APBA2: variants seen among roughly 807,000 people sequenced by gnomAD.
APBA2 encodes the protein amyloid beta precursor protein binding family A member 2, also known as amyloid-beta A4 precursor protein-binding family A member 2.
In APBA2, 30 loss-of-function variants were observed where a neutral mutation model predicts 75.0. That is an observed-to-expected ratio of 0.40 (90% CI 0.30 to 0.54). The LOEUF (loss-of-function observed/expected upper bound fraction) is 0.54. Ranked by LOEUF, APBA2 falls within the 20% of genes least tolerant of loss-of-function variation. APBA2 has a pLI of 0.49. For missense variants in APBA2, 801 were observed against 1,016.1 expected, an observed-to-expected ratio of 0.79 and a Z score of 2.88; for synonymous variants, 444 against 409.6, an observed-to-expected ratio of 1.08 and a Z score of -1.01.
At position 28,965,840 on chromosome 15, in the gene APBA2, C is replaced by T. The variant is rs570423477; in HGVS notation, c.-94-29913C>T. On this transcript the variant is annotated intron_variant, in intron 2 of 14. Transcript: ENST00000683413. ...TCTTGTACCCTGAAACCTTACTGAA[C>T]TATATGTTTTCCTCTCAGCACTGTC... 2.0e-5 allele frequency among the ~76,000 whole-genome samples: 3 copies of T among 152,280 alleles called. No homozygotes were observed. The East Asian group carries it at 5.8e-4, about 29-fold the overall frequency.
intron 2 of APBA2, among the ~76,000 whole-genome samples, chr15:28,924,243 G>T (rs938845423): frequency 6.7e-6 from 1 of 150,202 alleles, no homozygotes; most frequent in African/African-American, 2.4e-5. Context: ...TCATCTGTAG[G>T]TTTTTTTTTT....
At chr15:29,095,667 G>A (rs1401352646) in intron 8 of APBA2, among the ~76,000 whole-genome samples, 17 of 152,166 alleles carry the variant, frequency 1.1e-4, no homozygotes, top group Admixed American at 7.9e-4. Context: ...ATTTTCTGGC[G>A]CTTTGGCCAG....
intron 13 of APBA2, among the ~76,000 whole-genome samples, chr15:29,112,775 G>A (rs1216271508): frequency 6.6e-6 from 1 of 152,172 alleles, no homozygotes; most frequent in Non-Finnish European, 1.5e-5. Flanking sequence ...CCATCTGCAT[G>A]TCAGGCAGCC....
intron 6 of APBA2, among the ~76,000 whole-genome samples, chr15:29,090,362 A>AG (rs1302113931): frequency 2.0e-5 from 3 of 152,192 alleles, no homozygotes; most frequent in Non-Finnish European, 4.4e-5. Flanking sequence ...CGCTCACTTC[A>AG]GGGGGAGACG....
At chr15:28,940,233 C>T (rs113730012) in intron 2 of APBA2, among the ~76,000 whole-genome samples, 50 of 151,930 alleles carry the variant, frequency 3.3e-4, no homozygotes, top group Non-Finnish European at 6.3e-4. Flanking sequence ...CCTCGGGAGG[C>T]TGGGCGTGGT....
intron 2 of APBA2, among the ~76,000 whole-genome samples, chr15:28,978,735 G>A (rs1294597429): frequency 3.3e-5 from 5 of 152,200 alleles, no homozygotes; most frequent in Non-Finnish European, 7.3e-5. Flanking sequence ...CCCAGGGCAT[G>A]GAGTCATTGT....
chr15:28,905,831 A>G (rs2033105548), intron 1 of APBA2, among the ~76,000 whole-genome samples: 1 of 152,242 alleles, frequency 6.6e-6, no homozygotes, highest in Non-Finnish European at 1.5e-5. Context: ...CTAACATGCT[A>G]GATTTTAAGA....
chr15:29,067,457 T>C (rs1471426249), intron 4 of APBA2, among the ~76,000 whole-genome samples: 3 of 151,980 alleles, frequency 2.0e-5, no homozygotes, highest in African/African-American at 7.3e-5. Context: ...AAATGAGCCA[T>C]GAGTAAATAA....
intron 2 of APBA2, among the ~76,000 whole-genome samples, chr15:28,931,873 G>A (rs537294871): frequency 6.6e-6 from 1 of 152,296 alleles, no homozygotes; most frequent in South Asian, 2.1e-4. Flanking sequence ...GTAATATTTT[G>A]GGAAGTTATA....
At chr15:29,004,911 C>T (rs2039033528) in intron 3 of APBA2, among the ~76,000 whole-genome samples, 1 of 152,192 alleles carries the variant, frequency 6.6e-6, no homozygotes, top group Non-Finnish European at 1.5e-5. Flanking sequence ...AACTCCTGAT[C>T]TCAGGTGATC....
intron 2 of APBA2, among the ~76,000 whole-genome samples, chr15:28,937,212 C>T (rs989218593): frequency 6.6e-6 from 1 of 152,150 alleles, no homozygotes; most frequent in African/African-American, 2.4e-5. Context: ...AGGTGTCATA[C>T]AGTGGCATGC....
Position 29,002,204 on chromosome 15 carries a change from G to A in APBA2, c.-41+6398G>A, listed in dbSNP as rs149603014. Among the ~76,000 whole-genome samples the A allele has an allele frequency of 6.6e-3, 1,008 of 152,226 alleles. 13 individuals carry two copies. Among genetic ancestry groups the A allele is most frequent in the African/African-American group, 0.023 (957 of 41,540 alleles). ...ACCATGTGTGCTGCTAGGCACATAC[G>A]GACATGCTAATTTAACTCTCATACC... On this transcript the variant is annotated intron_variant, in intron 3 of 14. Coordinates refer to ENST00000683413, the MANE Select transcript of APBA2 (RefSeq NM_001353788.2).
chr15:29,077,025 G>A (rs1045584161), intron 6 of APBA2, among the ~76,000 whole-genome samples: 12 of 152,184 alleles, frequency 7.9e-5, no homozygotes, highest in African/African-American at 2.9e-4. Flanking sequence ...CTGGCTTAAT[G>A]CTGCTCAGAT....
At chr15:28,923,156 G>A (rs2034067333) in intron 2 of APBA2, among the ~76,000 whole-genome samples, 1 of 152,108 alleles carries the variant, frequency 6.6e-6, no homozygotes, top group Non-Finnish European at 1.5e-5. Flanking sequence ...CATATTTTAA[G>A]ATGTCAAAGA....
chr15:29,061,716 G>A (rs773030921), intron 4 of APBA2, among the ~76,000 whole-genome samples: 60 of 152,332 alleles, frequency 3.9e-4, no homozygotes, highest in Middle Eastern at 3.4e-3. Context: ...TAGGAGTCTG[G>A]TGCCAAGGGA....
chr15:28,940,264 G>A (rs1223280839), intron 2 of APBA2, among the ~76,000 whole-genome samples: 1 of 148,638 alleles, frequency 6.7e-6, no homozygotes, highest in Non-Finnish European at 1.5e-5. Context: ...TGTAATCCCA[G>A]CACTTTGGGA....
chr15:29,090,340 C>CCTGG (rs2043498361), intron 6 of APBA2, among the ~76,000 whole-genome samples: 3 of 152,210 alleles, frequency 2.0e-5, no homozygotes, highest in Non-Finnish European at 1.5e-5. Flanking sequence ...AGATGGGCCC[C>CCTGG]AGAGCTACTG....
chr15:28,986,186 TC>T (rs1349311611), intron 2 of APBA2, among the ~76,000 whole-genome samples: 1 of 152,208 alleles, frequency 6.6e-6, no homozygotes, highest in Non-Finnish European at 1.5e-5. Flanking sequence ...GAGAAGCCAT[TC>T]CCCGATCACC....
chr15:29,066,450 G>A (rs1015398806), intron 4 of APBA2, among the ~76,000 whole-genome samples: 6 of 152,228 alleles, frequency 3.9e-5, no homozygotes, highest in African/African-American at 1.4e-4. Context: ...CAATGAGCCA[G>A]TCACAAAAGG....
Sources: allele counts gnomAD v4.1 joint callset (sites outside exome capture counted in the v4.1 genomes callset), GRCh38; gene constraint gnomAD v4.1.1; transcripts MANE v1.5; gene names NCBI Gene and HGNC (gene_info 2026-07-23, HGNC 2026-07-21).